CFDP1: variants seen among roughly 807,000 people sequenced by gnomAD.
The protein encoded by CFDP1 is chromatin remodeling protein CFDP1, also known as heterochromatin-stabilizing protein CFDP1.
CFDP1 carries 31 observed loss-of-function variants against 40.1 expected under a neutral mutation model. The ratio of observed to expected loss-of-function variants is 0.77; its 90% CI spans 0.58 to 1.04. The LOEUF (loss-of-function observed/expected upper bound fraction) is 1.04. Among genes scored for constraint, CFDP1 ranks in the 50% least tolerant of loss-of-function variants. The pLI, the probability that CFDP1 is intolerant of heterozygous loss-of-function variation, is 0.00. For synonymous variants in CFDP1, 167 were observed against 120.0 expected, an observed-to-expected ratio of 1.39 and a Z score of -2.56; for missense variants, 423 against 343.4, an observed-to-expected ratio of 1.23 and a Z score of -1.83.
intron 6 of CFDP1, among the ~76,000 whole-genome samples, chr16:75,299,795 C>T (rs1378001800): frequency 1.3e-5 from 2 of 152,106 alleles, no homozygotes; most frequent in Non-Finnish European, 2.9e-5. Context: ...AACATGACAA[C>T]ATGCATCAGA....
At chr16:75,432,959 G>A (rs2079441708) in intron 1 of CFDP1, among the ~76,000 whole-genome samples, 1 of 152,212 alleles carries the variant, frequency 6.6e-6, no homozygotes, top group Non-Finnish European at 1.5e-5. Context: ...GGCTCGGACT[G>A]CCGCCCCGAC....
chr16:75,389,359 G>A (rs890592396), intron 5 of CFDP1, among the ~76,000 whole-genome samples: 1 of 152,206 alleles, frequency 6.6e-6, no homozygotes, highest in Non-Finnish European at 1.5e-5. Context: ...AATTTTTGTA[G>A]TTTGATTCCT....
intron 5 of CFDP1, among the ~76,000 whole-genome samples, chr16:75,353,808 A>T (rs1424654193): frequency 6.6e-6 from 1 of 151,864 alleles, no homozygotes. Flanking sequence ...AAGTAGATTT[A>T]AAAAATGGAC....
intron 4 of CFDP1, among the ~76,000 whole-genome samples, chr16:75,403,856 G>A (rs7188111): frequency 0.2 from 30,720 of 152,016 alleles, 3,291 homozygotes; most frequent in African/African-American, 0.26. Context: ...ATGGGGCCAG[G>A]CATGGTGGCT....
At chr16:75,407,384 T>C (rs1477201621) in intron 4 of CFDP1, among the ~76,000 whole-genome samples, 3 of 151,960 alleles carry the variant, frequency 2.0e-5, no homozygotes, top group African/African-American at 7.3e-5. Flanking sequence ...ATTAAAAAAA[T>C]ATTCACACAT....
intron 4 of CFDP1, among the ~76,000 whole-genome samples, chr16:75,410,511 T>G (rs1274310579): frequency 1.3e-5 from 2 of 152,148 alleles, no homozygotes; most frequent in Non-Finnish European, 2.9e-5. Context: ...CAGTGGCTCA[T>G]GCCTGTAATC....
chr16:75,421,057 G>T (rs1032146748), intron 1 of CFDP1, among the ~76,000 whole-genome samples: 1 of 152,100 alleles, frequency 6.6e-6, no homozygotes. Flanking sequence ...ATGTGGGAGG[G>T]GGTCCCTGGA....
At chr16:75,343,514 A>T (rs79345482) in intron 5 of CFDP1, among the ~76,000 whole-genome samples, 3,360 of 152,316 alleles carry the variant, frequency 0.022, 72 homozygotes, top group African/African-American at 0.054. Flanking sequence ...TGGAAAGGAA[A>T]TGTAGAGAAA....
chr16:75,356,033 G>A (rs2078642322), intron 5 of CFDP1, among the ~76,000 whole-genome samples: 1 of 152,128 alleles, frequency 6.6e-6, no homozygotes, highest in South Asian at 2.1e-4. Context: ...CATAAGGGTT[G>A]GAATAAACTT....
intron 6 of CFDP1, among the ~76,000 whole-genome samples, chr16:75,302,847 C>G (rs2078230302): frequency 6.6e-6 from 1 of 152,204 alleles, no homozygotes; most frequent in African/African-American, 2.4e-5. Flanking sequence ...AGCATTCCAG[C>G]TTAGGCTGAT....
At chr16:75,359,627 C>A (rs987263236) in intron 5 of CFDP1, among the ~76,000 whole-genome samples, 6 of 152,296 alleles carry the variant, frequency 3.9e-5, no homozygotes, top group African/African-American at 1.4e-4. Flanking sequence ...GACCTGTATG[C>A]AATTGCCCTA....
chr16:75,313,927 C>T (rs2078309777), intron 5 of CFDP1, among the ~76,000 whole-genome samples: 1 of 152,050 alleles, frequency 6.6e-6, no homozygotes, highest in Non-Finnish European at 1.5e-5. Flanking sequence ...CTCTGTTGCC[C>T]AAGCTACAGT....
At chr16:75,422,137 C>T (rs547977140) in intron 1 of CFDP1, among the ~76,000 whole-genome samples, 1 of 152,246 alleles carries the variant, frequency 6.6e-6, no homozygotes, top group South Asian at 2.1e-4. Flanking sequence ...GCTCTTTTTG[C>T]CCAGGCTGGA....
At chr16:75,335,935 T>G (rs994869560) in intron 5 of CFDP1, among the ~76,000 whole-genome samples, 1 of 152,096 alleles carries the variant, frequency 6.6e-6, no homozygotes, top group African/African-American at 2.4e-5. Context: ...AAGGATATAG[T>G]AGCGGTTCGA....
chr16:75,373,163 T>C (rs566162000), intron 5 of CFDP1, among the ~76,000 whole-genome samples: 16 of 152,380 alleles, frequency 1.1e-4, no homozygotes, highest in Admixed American at 7.2e-4. Context: ...TCTCGGTTTA[T>C]CCAGTTACAT....
chr16:75,321,005 T>C (rs1190930148), intron 5 of CFDP1, among the ~76,000 whole-genome samples: 1 of 152,218 alleles, frequency 6.6e-6, no homozygotes, highest in Non-Finnish European at 1.5e-5. Flanking sequence ...GATGGGATCT[T>C]GCTGGTTTTG....
intron 6 of CFDP1, among the ~76,000 whole-genome samples, chr16:75,296,650 G>C (rs903170092): frequency 1.3e-5 from 2 of 152,226 alleles, no homozygotes; most frequent in African/African-American, 4.8e-5. Flanking sequence ...AGACTATCAA[G>C]AGTGAAGCCC....
At chr16:75,354,697 A>AG (rs397727886) in intron 5 of CFDP1, among the ~76,000 whole-genome samples, 1 of 151,446 alleles carries the variant, frequency 6.6e-6, no homozygotes, top group African/African-American at 2.4e-5. Flanking sequence ...GGAAAGGGAA[A>AG]AGTGCTGTTT....
chr16:75,371,759 G>C (rs78888802), intron 5 of CFDP1, among the ~76,000 whole-genome samples: 80 of 152,156 alleles, frequency 5.3e-4, no homozygotes, highest in African/African-American at 1.8e-3. Flanking sequence ...CCAACTCAAA[G>C]GTTTCATTTA....
Sources: allele counts gnomAD v4.1 joint callset (sites outside exome capture counted in the v4.1 genomes callset), GRCh38; gene constraint gnomAD v4.1.1; transcripts MANE v1.5; gene names NCBI Gene and HGNC (gene_info 2026-07-23, HGNC 2026-07-21).